The following SDK2 variants were observed in gnomAD, a reference collection of about 807,000 sequenced individuals.
SDK2 encodes protein sidekick-2.
SDK2 carries 105 observed loss-of-function variants against 253.9 expected under a neutral mutation model. That is an observed-to-expected ratio of 0.41 (90% CI 0.35 to 0.49). SDK2 has a LOEUF of 0.49. Among genes scored for constraint, SDK2 ranks in the 20% least tolerant of loss-of-function variants. The pLI is 0.06. For missense variants in SDK2, 2,608 were observed against 3,003.0 expected (o/e 0.87, Z 3.07); for synonymous variants, 1,249 against 1,234.9 (o/e 1.01, Z -0.24).
intron 3 of SDK2, among the ~76,000 whole-genome samples, chr17:73,470,286 T>C (rs961254784): frequency 6.8e-6 from 1 of 147,114 alleles, no homozygotes; most frequent in African/African-American, 2.5e-5. Context: ...CATGCATGCA[T>C]GCAAACACAC....
intron 39 of SDK2, among the ~76,000 whole-genome samples, 162 bp from the exon 40 acceptor site, chr17:73,358,366 T>C (rs999993578): frequency 1.2e-4 from 18 of 152,170 alleles, no homozygotes; most frequent in African/African-American, 4.3e-4. Flanking sequence ...CATCTCAGGC[T>C]GGGCCTGCCA....
chr17:73,430,410 C>T, intron 12 of SDK2, 101 bp downstream of exon 12: 2 of 859,650 alleles, frequency 2.3e-6, no homozygotes, highest in Non-Finnish European at 3.8e-6. Flanking sequence ...AGGCGTGGCT[C>T]TGCAGCTGTT....
intron 1 of SDK2, among the ~76,000 whole-genome samples, chr17:73,607,862 G>A (rs1281840574): frequency 1.3e-5 from 2 of 150,618 alleles, no homozygotes; most frequent in Non-Finnish European, 3.0e-5. Flanking sequence ...TTTTTTTTTG[G>A]TTGTTGTTAA....
intron 1 of SDK2, among the ~76,000 whole-genome samples, chr17:73,564,627 C>A (rs1256477571): frequency 1.3e-5 from 2 of 152,104 alleles, no homozygotes; most frequent in Non-Finnish European, 2.9e-5. Context: ...GAGTTTGAGA[C>A]CAGCCTGGCC....
At chr17:73,545,713 A>G (rs907687155) in intron 1 of SDK2, among the ~76,000 whole-genome samples, 10 of 152,132 alleles carry the variant, frequency 6.6e-5, no homozygotes, top group Admixed American at 6.5e-4. Flanking sequence ...ACTGAGCTGG[A>G]TGATACAACC....
At position 73,368,495 on chromosome 17, in the gene SDK2, G is replaced by A. The variant is rs1457851700; in HGVS notation, c.5079C>T (p.Tyr1693=). The change falls in exon 37 of 45, where the codon TAC becomes TAT. Residue 1693 remains tyrosine, a synonymous_variant. Coordinates refer to ENST00000392650, the MANE Select transcript of SDK2 (RefSeq NM_001144952.2). The stretch of plus-strand genomic sequence containing the variant: ...CGGCCACGCTGACCATGTAGGCCGT[G>A]TAGCCAGTCAAGTTCTTGAGCTTCA... ...NSVKLKNLTG[Y]TAYMVSVAAF... 6.2e-7 allele frequency: 1 copy of A among 1,610,738 alleles called. No homozygotes were observed. Among genetic ancestry groups the A allele is most frequent in the Non-Finnish European group, 8.5e-7 (1 of 1,178,800 alleles).
At chr17:73,519,019 A>T (rs1291062636) in intron 1 of SDK2, 2 of 152,138 alleles carry the variant, frequency 1.3e-5, no homozygotes, top group Non-Finnish European at 2.9e-5. Flanking sequence ...CCATCCCCTA[A>T]GCCTGGGGAC....
At chr17:73,378,368 C>T (rs575371875) in intron 36 of SDK2, among the ~76,000 whole-genome samples, 4 of 151,416 alleles carry the variant, frequency 2.6e-5, no homozygotes, top group African/African-American at 4.9e-5. Flanking sequence ...TCCTAAAGTG[C>T]GGGAATTACA....
chr17:73,355,792 T>G (rs570667475), intron 40 of SDK2, among the ~76,000 whole-genome samples: 1 of 152,344 alleles, frequency 6.6e-6, no homozygotes, highest in East Asian at 1.9e-4. Context: ...ATTGAATAAA[T>G]AAATGGAACC....
intron 21 of SDK2, 141 bp from the exon 22 acceptor site, chr17:73,399,430 C>T: frequency 1.2e-6 from 1 of 861,474 alleles, no homozygotes; most frequent in Non-Finnish European, 1.8e-6. Flanking sequence ...CGGCCCCACT[C>T]CACCCACAGT....
intron 3 of SDK2, among the ~76,000 whole-genome samples, chr17:73,466,919 A>G (rs2063604204): frequency 6.6e-6 from 1 of 152,138 alleles, no homozygotes; most frequent in Non-Finnish European, 1.5e-5. Flanking sequence ...GTCCCAAGCT[A>G]GTCAGTGCCT....
rs962884974 is a variant in SDK2 at position 73,534,777 on chromosome 17, AG to A, written c.65-27181del. ...CCTTTCTTCCTCTCATCTAGGGGAAAGCGGCTTCTATTACCTAAACTCCCCT... is the reference window on the plus strand; with the variant it reads ...CCTTTCTTCCTCTCATCTAGGGGAAACGGCTTCTATTACCTAAACTCCCCT... On this transcript the variant is annotated intron_variant, in intron 1 of 44. Transcript: ENST00000392650. The surrounding 1 kb of genome is among the most constrained non-coding windows in gnomAD (Gnocchi z 4.9). Among the ~76,000 whole-genome samples the A allele has an allele frequency of 2.4e-4, 36 of 152,252 alleles. No homozygotes were observed. The highest frequency in any genetic ancestry group is 8.2e-4 in the African/African-American group (34 of 41,560).
chr17:73,500,285 C>A (rs2063878146), intron 2 of SDK2, among the ~76,000 whole-genome samples: 1 of 138,624 alleles, frequency 7.2e-6, no homozygotes, highest in African/African-American at 2.7e-5. Flanking sequence ...CCTTCTCCAT[C>A]CTCCTTCCAT....
chr17:73,546,991 G>A (rs1291813057), intron 1 of SDK2, among the ~76,000 whole-genome samples: 1 of 152,166 alleles, frequency 6.6e-6, no homozygotes, highest in African/African-American at 2.4e-5. Flanking sequence ...TGGGAAAGCC[G>A]GACTTGACTC....
Position 73,422,282 on chromosome 17 carries a change from C to G in SDK2, c.2045+5G>C. On this transcript the variant is annotated splice_donor_5th_base_variant and intron_variant, in intron 15 of 44. Transcript: ENST00000392650. ...GACGCCCCTGTAGAGCGCCAGTGCCCTCACCTCTCGGTGTCTTTGCTGAAC... is the reference window on the plus strand; with the variant it reads ...GACGCCCCTGTAGAGCGCCAGTGCCGTCACCTCTCGGTGTCTTTGCTGAAC... 1 of 1,613,750 alleles carries G rather than the reference C, an allele frequency of 6.2e-7. No homozygotes were observed. The highest frequency in any genetic ancestry group is 1.3e-5 in the African/African-American group (1 of 75,040).
chr17:73,352,552 G>T lies in SDK2; in HGVS notation c.5679C>A (p.Gly1893=), dbSNP rs573974183. ...YTFSMDILKP[G]VSYDFRVIAV... ...CGATGACCCGGAAGTCATAGCTCAC[G>T]CCCGGCTTCAGGATGTCCATGCTGA... is the stretch of plus-strand genomic sequence containing the variant. Residue 1893 remains glycine (G), a synonymous_variant, in exon 41 of 45, where the codon GGC becomes GGA. Coordinates refer to ENST00000392650, the MANE Select transcript of SDK2 (RefSeq NM_001144952.2). The surrounding 1 kb of genome is among the most constrained non-coding windows in gnomAD (Gnocchi z 4.1). The T allele has an allele frequency of 3.7e-6, 6 of 1,614,028 alleles. No homozygotes were observed. In the East Asian group the frequency reaches 8.9e-5, roughly 24 times the overall value.
intron 2 of SDK2, among the ~76,000 whole-genome samples, chr17:73,484,279 G>C (rs919517217): frequency 1.3e-5 from 2 of 152,168 alleles, no homozygotes; most frequent in Admixed American, 1.3e-4. Flanking sequence ...TGGAAACCAG[G>C]CTTCAGGGAA....
At chr17:73,564,838 A>C (rs1324053377) in intron 1 of SDK2, among the ~76,000 whole-genome samples, 1 of 151,634 alleles carries the variant, frequency 6.6e-6, no homozygotes, top group African/African-American at 2.4e-5. Flanking sequence ...AAAAAACAAA[A>C]AACAAAAACA....
chr17:73,510,762 G>C lies in SDK2; in HGVS notation c.65-3165C>G, dbSNP rs569901674. Among the ~76,000 whole-genome samples the C allele has an allele frequency of 9.2e-5, 14 of 152,298 alleles. No homozygotes were observed. In the South Asian group the frequency reaches 2.3e-3, roughly 25 times the overall value. ...GCCTGCCTCAGCCTCCCAAACTGCTGGGATTAGACGCCTGAGCCACCATGC... is the reference window on the plus strand; with the variant it reads ...GCCTGCCTCAGCCTCCCAAACTGCTCGGATTAGACGCCTGAGCCACCATGC... On this transcript the variant is annotated intron_variant, in intron 1 of 44. Transcript: ENST00000392650.
Sources: gnomAD v4.1 joint callset for allele counts (sites outside exome capture counted in the v4.1 genomes callset) on GRCh38, gnomAD v4.1.1 for gene constraint, Gnocchi (gnomAD v3.1) non-coding constraint, MANE v1.5 for transcripts, NCBI Gene and HGNC (gene_info 2026-07-23, HGNC 2026-07-21) for gene names.